Variants in ZSCAN5A observed in about 807,000 individuals in gnomAD.
The protein encoded by ZSCAN5A is zinc finger and SCAN domain-containing protein 5A.
ZSCAN5A carries 12 observed loss-of-function variants against 23.7 expected under a neutral mutation model. That is an observed-to-expected ratio of 0.51 (90% CI 0.32 to 0.82). The LOEUF is 0.82. ZSCAN5A is among the 40% of genes least tolerant of loss of function. The probability of loss-of-function intolerance (pLI) is 0.03; values close to 1 mark genes in which losing one functional copy is unlikely to be tolerated. For synonymous variants in ZSCAN5A, 257 were observed against 239.9 expected (o/e 1.07, Z -0.66); for missense variants, 597 against 617.9 (o/e 0.97, Z 0.36).
At chr19:56,311,074 T>A (rs1327320612) in intron 2 of ZSCAN5A, among the ~76,000 whole-genome samples, 2 of 152,226 alleles carry the variant, frequency 1.3e-5, no homozygotes, top group Admixed American at 1.3e-4. Context: ...TGCTAATCTT[T>A]TGATATAAGA....
chr19:56,294,736 A>T (rs1467764380), intron 2 of ZSCAN5A, among the ~76,000 whole-genome samples: 2 of 152,236 alleles, frequency 1.3e-5, no homozygotes, highest in Non-Finnish European at 2.9e-5. Flanking sequence ...AAGTGTCAGG[A>T]TGTCCACCCA....
intron 2 of ZSCAN5A, among the ~76,000 whole-genome samples, chr19:56,361,862 A>G (rs549169175): frequency 6.6e-6 from 1 of 152,304 alleles, no homozygotes; most frequent in East Asian, 1.9e-4. Flanking sequence ...TGGAACTTAA[A>G]AAAACAAAAA....
chr19:56,346,101 G>A (rs1415176056), intron 2 of ZSCAN5A, among the ~76,000 whole-genome samples: 2 of 142,440 alleles, frequency 1.4e-5, no homozygotes, highest in Non-Finnish European at 3.1e-5. Flanking sequence ...AGAAGTAAAA[G>A]AAGAAAACAG....
intron 2 of ZSCAN5A, among the ~76,000 whole-genome samples, chr19:56,309,225 T>C (rs561112471): frequency 6.6e-6 from 1 of 152,224 alleles, no homozygotes; most frequent in South Asian, 2.1e-4. Flanking sequence ...GATGATGCCA[T>C]GTATATGAAA....
intron 2 of ZSCAN5A, among the ~76,000 whole-genome samples, chr19:56,270,069 GT>G (rs1280148873): frequency 6.6e-6 from 1 of 151,598 alleles, no homozygotes; most frequent in Non-Finnish European, 1.5e-5. Context: ...TAACAACCAG[GT>G]TTTTTGCCGT....
intron 2 of ZSCAN5A, among the ~76,000 whole-genome samples, chr19:56,361,220 G>T (rs1198985337): frequency 2.6e-5 from 4 of 152,208 alleles, no homozygotes; most frequent in African/African-American, 7.2e-5. Flanking sequence ...TGCTGGCGAG[G>T]TTGCAGAGAA....
intron 2 of ZSCAN5A, chr19:56,244,275 A>G: frequency 1.2e-6 from 2 of 1,609,964 alleles, no homozygotes; most frequent in South Asian, 1.1e-5. Flanking sequence ...CCCGACCTCC[A>G]CACCAAAGAG....
chr19:56,292,569 C>T (rs924851904), intron 2 of ZSCAN5A, among the ~76,000 whole-genome samples: 5 of 151,614 alleles, frequency 3.3e-5, no homozygotes, highest in African/African-American at 7.3e-5. Flanking sequence ...ATCACAGGCA[C>T]GAGCCACTGC....
At chr19:56,290,177 A>G (rs934799079) in intron 2 of ZSCAN5A, among the ~76,000 whole-genome samples, 1 of 152,190 alleles carries the variant, frequency 6.6e-6, no homozygotes, top group Non-Finnish European at 1.5e-5. Context: ...CTGTCCTTTC[A>G]AAAGGTTTCT....
intron 2 of ZSCAN5A, among the ~76,000 whole-genome samples, chr19:56,324,238 T>C (rs933583120): frequency 6.6e-6 from 1 of 152,236 alleles, no homozygotes; most frequent in Non-Finnish European, 1.5e-5. Flanking sequence ...GTCCATCTAT[T>C]CCTGGCTTAT....
chr19:56,323,639 C>A (rs554708868), intron 2 of ZSCAN5A, among the ~76,000 whole-genome samples: 1 of 149,968 alleles, frequency 6.7e-6, no homozygotes, highest in African/African-American at 2.5e-5. Context: ...CGGGTTCAAG[C>A]GATTCTCCTG....
chr19:56,280,901 A>G (rs769685549), intron 2 of ZSCAN5A, among the ~76,000 whole-genome samples: 97 of 152,200 alleles, frequency 6.4e-4, no homozygotes, highest in Non-Finnish European at 1.0e-3. Context: ...CACTCAAACC[A>G]TAACACATAC....
At chr19:56,298,921 T>C (rs897854002) in intron 2 of ZSCAN5A, among the ~76,000 whole-genome samples, 1 of 152,190 alleles carries the variant, frequency 6.6e-6, no homozygotes, top group Non-Finnish European at 1.5e-5. Flanking sequence ...CTCATAAATA[T>C]AGATGGAAAA....
upstream of ZSCAN5A, chr19:56,316,348 C>T: frequency 6.6e-6 from 1 of 152,270 alleles, no homozygotes; most frequent in Middle Eastern, 3.2e-3. Context: ...GTAGTTCCGT[C>T]ATCTTCACAG....
chr19:56,292,471 T>TA (rs55843411), intron 2 of ZSCAN5A, among the ~76,000 whole-genome samples: 2 of 151,488 alleles, frequency 1.3e-5, no homozygotes, highest in African/African-American at 2.4e-5. Flanking sequence ...TTTTTTTTTT[T>TA]ACTTTTTTGT....
intron 2 of ZSCAN5A, among the ~76,000 whole-genome samples, chr19:56,279,267 A>T (rs1048281439): frequency 3.9e-5 from 6 of 152,170 alleles, no homozygotes; most frequent in African/African-American, 1.4e-4. Context: ...GTCACATGGA[A>T]GGGAAAAAGA....
At chr19:56,322,612 T>C (rs1028634035) in intron 2 of ZSCAN5A, among the ~76,000 whole-genome samples, 1 of 152,186 alleles carries the variant, frequency 6.6e-6, no homozygotes, top group African/African-American at 2.4e-5. Flanking sequence ...CTGCCCAATC[T>C]ATCTCTCGCC....
intron 2 of ZSCAN5A, among the ~76,000 whole-genome samples, chr19:56,300,607 G>A (rs909005545): frequency 1.3e-5 from 2 of 152,306 alleles, no homozygotes; most frequent in Non-Finnish European, 1.5e-5. Context: ...TAGTGTAAAC[G>A]TTGAAGAGAG....
At chr19:56,334,886 C>A (rs1410193035) in intron 2 of ZSCAN5A, among the ~76,000 whole-genome samples, 1 of 152,142 alleles carries the variant, frequency 6.6e-6, no homozygotes. Context: ...AGTCAGAGTG[C>A]CCTCTTTTCT....
Sources: gnomAD v4.1 joint callset for allele counts (sites outside exome capture counted in the v4.1 genomes callset) on GRCh38, gnomAD v4.1.1 for gene constraint, MANE v1.5 for transcripts, NCBI Gene and HGNC (gene_info 2026-07-23, HGNC 2026-07-21) for gene names.